Variants in SLC22A7 observed in about 807,000 individuals in gnomAD.
SLC22A7 encodes solute carrier family 22 member 7.
A neutral mutation model predicts 62.2 loss-of-function variants in SLC22A7; 48 were observed. That is an observed-to-expected ratio of 0.77 (90% CI 0.61 to 0.98). SLC22A7 has a LOEUF of 0.98. Among genes scored for constraint, SLC22A7 ranks in the 50% least tolerant of loss-of-function variants. The pLI, the probability that SLC22A7 is intolerant of heterozygous loss-of-function variation, is 0.00. For synonymous variants in SLC22A7, 276 were observed against 314.8 expected, an observed-to-expected ratio of 0.88 and a Z score of 1.30; for missense variants, 581 against 703.8, an observed-to-expected ratio of 0.83 and a Z score of 1.97.
In SLC22A7 at chr6:43,299,941, C is replaced by G; in HGVS notation, c.702C>G (p.Val234=). 1 of 1,614,162 alleles carries G rather than the reference C, an allele frequency of 6.2e-7. No individual in the cohort carries two copies. Among genetic ancestry groups the G allele is most frequent in the Admixed American group, 1.7e-5 (1 of 60,014 alleles). ...TGGAGCACCGCACCGTGGCTGGAGTCCTGAGCAGCACCTTCTGGACAGGGG... is the reference window on the plus strand; with the variant it reads ...TGGAGCACCGCACCGTGGCTGGAGTGCTGAGCAGCACCTTCTGGACAGGGG... The part of the protein sequence containing the change: ...LDVEHRTVAG[V]LSSTFWTGGV... Residue 234 remains valine, a synonymous_variant, in exon 5 of 11, where the codon GTC becomes GTG. Transcript: ENST00000372585. The surrounding 1 kb of genome is among the most constrained non-coding windows in gnomAD (Gnocchi z 4.4).
Position 43,298,664 on chromosome 6 carries a change from G to A in SLC22A7, c.306G>A (p.Gly102=). ...TGGGGGAAGAAAGGCAGAGCCGTGG[G>A]GAGCTGGAGGATGAACCTGCCACAG... is the stretch of plus-strand genomic sequence containing the variant. ...TTLGEERQSR[G]ELEDEPATVP... is the part of the protein sequence containing the mutation. The change falls in exon 1 of 11, where the codon GGG becomes GGA. Residue 102 remains glycine (G), a synonymous_variant. Coordinates refer to ENST00000372585, the MANE Select transcript of SLC22A7 (RefSeq NM_153320.2). 1 of 1,565,770 alleles carries A rather than the reference G, an allele frequency of 6.4e-7. No individual in the cohort carries two copies. The highest frequency in any genetic ancestry group is 8.7e-7 in the Non-Finnish European group (1 of 1,154,076).
Position 43,304,838 on chromosome 6 carries a change from G to A in SLC22A7, c.*113G>A. On this transcript the variant is annotated 3_prime_UTR_variant, in exon 11 of 11. Coordinates refer to ENST00000372585, the MANE Select transcript of SLC22A7 (RefSeq NM_153320.2). ...ATCGAACCCTCTGCCTAGGGCCGGA[G>A]TTGCTGCCAGTACCCGCTCCCTCTG... 1.3e-6 allele frequency: 1 copy of A among 740,782 alleles called. No individual in the cohort carries two copies. Among genetic ancestry groups the A allele is most frequent in the Non-Finnish European group, 2.1e-6 (1 of 477,586 alleles). 45.9% of individuals were successfully genotyped at this position (740,782 alleles called of 1,614,324 possible).
At chr6:43,303,292 C>G (rs1161531482) in intron 9 of SLC22A7, 4 of 278,008 alleles carry the variant, frequency 1.4e-5, no homozygotes, top group Non-Finnish European at 2.2e-5. Context: ...GAAACCCTGT[C>G]TCTGCTAAAC....
rs922353319 is a variant in SLC22A7 at position 43,302,825 on chromosome 6, A to C, written c.1385+62A>C. The C allele has an allele frequency of 5.7e-6, 6 of 1,058,838 alleles. No individual in the cohort carries two copies. The African/African-American group carries it at 9.5e-5, about 17-fold the overall frequency. The allele number at this position is 1,058,838 out of a possible 1,614,324, so 65.6% of individuals were successfully genotyped here. The stretch of plus-strand genomic sequence containing the variant: ...TTGTTAGTCACGTGTCTTAACCAAC[A>C]CTTCTACATACACGCACCACAACCT... On this transcript the variant is annotated intron_variant, in intron 9 of 10. Coordinates refer to ENST00000372585, the MANE Select transcript of SLC22A7 (RefSeq NM_153320.2). This position sits in a 1 kb window ranked among gnomAD's most constrained non-coding sequence, Gnocchi z 5.0.
chr6:43,298,275 G>A lies in SLC22A7; in HGVS notation c.-84G>A. ...CAGTCCATCCACTCCCACCTCCAGA[G>A]TCCAAGGGTCTATGTGGTGGGCAGT... On this transcript the variant is annotated 5_prime_UTR_variant, in exon 1 of 11. Coordinates refer to ENST00000372585, the MANE Select transcript of SLC22A7 (RefSeq NM_153320.2). The A allele has an allele frequency of 8.1e-7, 1 of 1,239,716 alleles. No homozygotes were observed. Among genetic ancestry groups the A allele is most frequent in the Non-Finnish European group, 1.1e-6 (1 of 884,214 alleles). The allele number at this position is 1,239,716 out of a possible 1,614,324, so 76.8% of individuals were successfully genotyped here. A position where few individuals can be genotyped will look rare whatever the true frequency, so the allele number is the denominator to read the frequency against.
At chr6:43,301,444 C>G (rs1267176747) in intron 6 of SLC22A7, 139 bp from the exon 7 acceptor site, 2 of 1,014,822 alleles carry the variant, frequency 2.0e-6, no homozygotes, top group Non-Finnish European at 3.0e-6. Context: ...TCGAGACCCA[C>G]TCGTCTCAGC....
Position 43,299,774 on chromosome 6 carries a change from G to A in SLC22A7, c.651G>A (p.Met217Ile), listed in dbSNP as rs1357962289. The change falls in exon 4 of 11, where the codon ATG becomes ATA. Residue 217 changes from methionine (M) to isoleucine (I), a missense_variant. Physicochemically the swap from Met to Ile is conservative, Grantham distance 10. Coordinates refer to ENST00000372585, the MANE Select transcript of SLC22A7 (RefSeq NM_153320.2). The surrounding 1 kb of genome is among the most constrained non-coding windows in gnomAD (Gnocchi z 4.4). Reference sequence around the variant, plus strand: ...TGGCTGGTTTTACCATCATCGTGATGCCACTGGGTGAGGCAGGCAAGAAAC... The same window carrying A: ...TGGCTGGTTTTACCATCATCGTGATACCACTGGGTGAGGCAGGCAAGAAAC... ...SALAGFTIIV[M>I]PLELEWLDVE... The A allele has an allele frequency of 2.5e-6, 4 of 1,614,102 alleles. No homozygotes were observed. In the African/African-American group the frequency reaches 4.0e-5, roughly 16 times the overall value.
At position 43,299,808 on chromosome 6, in the gene SLC22A7, C is replaced by T. The variant is rs763703951; in HGVS notation, c.658+27C>T. The T allele has an allele frequency of 1.2e-6, 2 of 1,614,188 alleles. No individual in the cohort carries two copies. The highest frequency in any genetic ancestry group is 3.3e-5 in the Admixed American group (2 of 60,014). On this transcript the variant is annotated intron_variant, in intron 4 of 10. Transcript: ENST00000372585. The surrounding 1 kb of genome is among the most constrained non-coding windows in gnomAD (Gnocchi z 4.4). ...TGAGGCAGGCAAGAAACAGGCAGGA[C>T]CTAGAGGGCTGGAAGAAGGCAGTTG... is the stretch of plus-strand genomic sequence containing the variant.
At chr6:43,303,551 T>C (rs1028516686) in intron 9 of SLC22A7, among the ~76,000 whole-genome samples, 52 of 151,774 alleles carry the variant, frequency 3.4e-4, no homozygotes, top group Admixed American at 1.3e-3. Context: ...CCCCATCCCA[T>C]TCACCCCTGG....
intron 6 of SLC22A7, 56 bp from the exon 7 acceptor site, chr6:43,301,527 C>A: frequency 7.3e-7 from 1 of 1,361,808 alleles, no homozygotes; most frequent in Non-Finnish European, 1.0e-6. Context: ...GTACTGTGTC[C>A]CATTGAGATC....
chr6:43,297,029 G>C (rs1778578163), upstream of SLC22A7, among the ~76,000 whole-genome samples: 1 of 152,142 alleles, frequency 6.6e-6, no homozygotes. Context: ...GGATGCACTA[G>C]AGACTCAAAC....
rs762621261 is a variant in SLC22A7 at position 43,299,799 on chromosome 6, C to G, written c.658+18C>G. On this transcript the variant is annotated intron_variant, in intron 4 of 10. Transcript: ENST00000372585. The surrounding 1 kb of genome is among the most constrained non-coding windows in gnomAD (Gnocchi z 4.4). Reference sequence around the variant, plus strand: ...GCCACTGGGTGAGGCAGGCAAGAAACAGGCAGGACCTAGAGGGCTGGAAGA... The same window carrying G: ...GCCACTGGGTGAGGCAGGCAAGAAAGAGGCAGGACCTAGAGGGCTGGAAGA... 1 of 1,614,222 alleles carries G rather than the reference C, an allele frequency of 6.2e-7. No individual in the cohort carries two copies. Among genetic ancestry groups the G allele is most frequent in the East Asian group, 2.2e-5 (1 of 44,882 alleles).
intron 10 of SLC22A7, chr6:43,304,446 GTGTA>G: frequency 1.7e-6 from 1 of 597,810 alleles, no homozygotes. Flanking sequence ...GTGTACATGA[GTGTA>G]TGAACACAAA....
rs1562111924 is a variant in SLC22A7, at chr6:43,299,050, A to G, written c.394-42A>G. Reference sequence around the variant, plus strand: ...AGGCAATTTCTGCAGCAAGAGGTGGAGAAACAATAGAGGCCTTCTTTTCTC... The same window carrying G: ...AGGCAATTTCTGCAGCAAGAGGTGGGGAAACAATAGAGGCCTTCTTTTCTC... On this transcript the variant is annotated intron_variant, in intron 1 of 10. Coordinates refer to ENST00000372585, the MANE Select transcript of SLC22A7 (RefSeq NM_153320.2). The surrounding 1 kb of genome is among the most constrained non-coding windows in gnomAD (Gnocchi z 4.4). The G allele has an allele frequency of 6.5e-7, 1 of 1,536,390 alleles. No homozygotes were observed. The highest frequency in any genetic ancestry group is 1.4e-5 in the African/African-American group (1 of 72,400).
At chr6:43,301,789 A>G in intron 7 of SLC22A7, 97 bp downstream of exon 7, 2 of 826,176 alleles carry the variant, frequency 2.4e-6, no homozygotes, top group South Asian at 3.4e-5. Flanking sequence ...AGGGACAAGT[A>G]GAGTGTCACT....
chr6:43,303,008 C>T (rs1778809359), intron 9 of SLC22A7: 2 of 604,134 alleles, frequency 3.3e-6, no homozygotes, highest in Non-Finnish European at 4.1e-6. Context: ...CATGAGCCAC[C>T]GCACCCAGCC....
At position 43,302,287 on chromosome 6, in the gene SLC22A7, G is replaced by C; in HGVS notation, c.1149G>C (p.Gly383=). The change falls in exon 8 of 11, where the codon GGG becomes GGC. Residue 383 remains glycine (G), a synonymous_variant. Coordinates refer to ENST00000372585, the MANE Select transcript of SLC22A7 (RefSeq NM_153320.2). The surrounding 1 kb of genome is among the most constrained non-coding windows in gnomAD (Gnocchi z 5.0). ...LNVYQTQLLF[G]AVELPSKLLV... ...TGTACCAGACACAGCTGTTGTTCGG[G>C]GCTGTGGAACTGCCCTCCAAGCTGC... 1 of 1,613,912 alleles carries C rather than the reference G, an allele frequency of 6.2e-7. No homozygotes were observed. Among genetic ancestry groups the C allele is most frequent in the Non-Finnish European group, 8.5e-7 (1 of 1,179,920 alleles).
rs749080217 is a variant in SLC22A7 at position 43,298,660 on chromosome 6, G to A, written c.302G>A (p.Arg101His). Residue 101 changes from arginine (R) to histidine (H), a missense_variant, in exon 1 of 11, where the codon CGT becomes CAT. Coordinates refer to ENST00000372585, the MANE Select transcript of SLC22A7 (RefSeq NM_153320.2). Reference protein sequence around the residue: ...NTTLGEERQSRGELEDEPATV... With the variant: ...NTTLGEERQSHGELEDEPATV... Reference sequence around the variant, plus strand: ...ACGTTGGGGGAAGAAAGGCAGAGCCGTGGGGAGCTGGAGGATGAACCTGCC... The same window carrying A: ...ACGTTGGGGGAAGAAAGGCAGAGCCATGGGGAGCTGGAGGATGAACCTGCC... 1.8e-5 allele frequency: 28 copies of A among 1,571,722 alleles called. No homozygotes were observed. Among genetic ancestry groups the A allele is most frequent in the Admixed American group, 7.0e-5 (4 of 56,900 alleles).
chr6:43,299,552 G>A lies in SLC22A7; in HGVS notation c.503+59G>A. On this transcript the variant is annotated intron_variant, in intron 3 of 10. Coordinates refer to ENST00000372585, the MANE Select transcript of SLC22A7 (RefSeq NM_153320.2). This position sits in a 1 kb window ranked among gnomAD's most constrained non-coding sequence, Gnocchi z 4.4. ...CTGGGGGAACTTTCTCCCACTAGCT[G>A]GGGTATGAGCCTAGTCTACCTATGC... 6.2e-7 allele frequency: 1 copy of A among 1,607,176 alleles called. No homozygotes were observed. Among genetic ancestry groups the A allele is most frequent in the South Asian group, 1.1e-5 (1 of 90,670 alleles).
Sources: allele counts gnomAD v4.1 joint callset (sites outside exome capture counted in the v4.1 genomes callset), GRCh38; gene constraint gnomAD v4.1.1; non-coding constraint Gnocchi (gnomAD v3.1); transcripts MANE v1.5; gene names NCBI Gene and HGNC (gene_info 2026-07-23, HGNC 2026-07-21).